TBC1D22A: variants seen among roughly 807,000 people sequenced by gnomAD.
TBC1D22A encodes the protein putative GTPase activator.
Under a neutral mutation model 60.2 loss-of-function variants are expected in TBC1D22A, and 38 were observed. That is an observed-to-expected ratio of 0.63 (90% CI 0.49 to 0.83). The LOEUF is 0.83. Ranked by LOEUF, TBC1D22A falls within the 40% of genes least tolerant of loss-of-function variation. The pLI, the probability that TBC1D22A is intolerant of heterozygous loss-of-function variation, is 0.00. For synonymous variants in TBC1D22A, 302 were observed against 281.7 expected (o/e 1.07, Z -0.72); for missense variants, 628 against 701.0 (o/e 0.90, Z 1.18).
At chr22:46,929,067 C>T (rs2071205830) in intron 8 of TBC1D22A, among the ~76,000 whole-genome samples, 1 of 151,500 alleles carries the variant, frequency 6.6e-6, no homozygotes, top group African/African-American at 2.4e-5. Context: ...TATGAAAAAC[C>T]ACTGCAAATA....
intron 12 of TBC1D22A, among the ~76,000 whole-genome samples, chr22:47,146,688 G>C (rs1196974241): frequency 6.6e-6 from 1 of 152,190 alleles, no homozygotes; most frequent in Non-Finnish European, 1.5e-5. Flanking sequence ...CTGATATGTG[G>C]TCCATGACTC....
At chr22:47,041,853 C>T (rs912208571) in intron 11 of TBC1D22A, among the ~76,000 whole-genome samples, 2 of 152,238 alleles carry the variant, frequency 1.3e-5, no homozygotes, top group Non-Finnish European at 2.9e-5. Flanking sequence ...CAGCCACAGA[C>T]GTGGACAGCG....
chr22:47,136,444 G>T (rs2066875426), intron 12 of TBC1D22A, among the ~76,000 whole-genome samples: 1 of 152,216 alleles, frequency 6.6e-6, no homozygotes, highest in Admixed American at 6.5e-5. Flanking sequence ...GGAGGAGTAG[G>T]TTGGTTGTCC....
intron 1 of TBC1D22A, among the ~76,000 whole-genome samples, chr22:46,765,355 C>G (rs921667492): frequency 1.3e-5 from 2 of 152,224 alleles, no homozygotes; most frequent in East Asian, 3.8e-4. Context: ...TTTATTTAGT[C>G]CACACCTATG....
intron 9 of TBC1D22A, among the ~76,000 whole-genome samples, chr22:46,980,448 T>C (rs2074471241): frequency 6.6e-6 from 1 of 152,258 alleles, no homozygotes; most frequent in Non-Finnish European, 1.5e-5. Flanking sequence ...CCCAAAGTGC[T>C]GGGATTACCC....
chr22:47,044,912 T>C (rs1055899017), intron 11 of TBC1D22A, among the ~76,000 whole-genome samples: 1 of 152,190 alleles, frequency 6.6e-6, no homozygotes. Flanking sequence ...CTACAGGAGA[T>C]GGTTTCTTCC....
At chr22:47,130,101 G>A (rs5767517) in intron 12 of TBC1D22A, among the ~76,000 whole-genome samples, 40,794 of 152,116 alleles carry the variant, frequency 0.27, 6,543 homozygotes, top group East Asian at 0.6. Flanking sequence ...GAGTCACCAC[G>A]TGCACTGTGC....
intron 12 of TBC1D22A, among the ~76,000 whole-genome samples, chr22:47,155,792 G>A (rs1044924440): frequency 1.3e-5 from 2 of 151,584 alleles, no homozygotes; most frequent in Non-Finnish European, 2.9e-5. Flanking sequence ...GTGCGGACGG[G>A]CGCAGCCTGA....
At chr22:47,082,707 A>G (rs78384282) in intron 11 of TBC1D22A, among the ~76,000 whole-genome samples, 3,691 of 152,314 alleles carry the variant, frequency 0.024, 150 homozygotes, top group African/African-American at 0.085. Context: ...CTTAATGGCT[A>G]AAAATGAAAG....
In TBC1D22A at chr22:46,916,373, C is replaced by T. The variant is rs529675003; in HGVS notation, c.1015+4185C>T. On this transcript the variant is annotated intron_variant, in intron 8 of 12. Transcript: ENST00000337137. ...CGATGGGTCTCCATGGGTGCCAGGA[C>T]ACTGCCGGCCTGAGTCAGGAATACA... Among the ~76,000 whole-genome samples the T allele has an allele frequency of 3.3e-5, 5 of 152,324 alleles. No individual in the cohort carries two copies. In the South Asian group the frequency reaches 1.0e-3, roughly 32 times the overall value.
intron 4 of TBC1D22A, among the ~76,000 whole-genome samples, chr22:46,799,598 G>T (rs1244004896): frequency 6.6e-6 from 1 of 152,184 alleles, no homozygotes; most frequent in African/African-American, 2.4e-5. Context: ...CCAGACTCCA[G>T]TGGGGACCAT....
chr22:47,010,617 C>G (rs1478567466), intron 10 of TBC1D22A, among the ~76,000 whole-genome samples: 1 of 152,106 alleles, frequency 6.6e-6, no homozygotes, highest in East Asian at 1.9e-4. Context: ...TATTCTGTGA[C>G]CCAGGTGACT....
intron 8 of TBC1D22A, among the ~76,000 whole-genome samples, chr22:46,935,136 G>A (rs2071571154): frequency 6.6e-6 from 1 of 152,088 alleles, no homozygotes; most frequent in Non-Finnish European, 1.5e-5. Context: ...AAGCAATGAA[G>A]GCATCAGTAG....
At position 46,904,142 on chromosome 22, in the gene TBC1D22A, T is replaced by TCTATCTGC. The variant is rs57116517; in HGVS notation, c.901-7929_901-7928insTCTGCCTA. Among the ~76,000 whole-genome samples, 81 of 134,576 alleles carry TCTATCTGC rather than the reference T, an allele frequency of 6.0e-4. 1 individual carries two copies. The highest frequency in any genetic ancestry group is 7.4e-3 in the Middle Eastern group (2 of 270). 88.3% of individuals were successfully genotyped at this position (134,576 alleles called of 152,430 possible). Reference sequence around the variant, plus strand: ...ATCTATCTATCTATCTATCTATCTATCTACCTACCTACCTACCTACCTACC... The same window carrying TCTATCTGC: ...ATCTATCTATCTATCTATCTATCTATCTATCTGCCTACCTACCTACCTACCTACCTACC... On this transcript the variant is annotated intron_variant, in intron 7 of 12. Transcript: ENST00000337137.
rs185798340 is a variant in TBC1D22A, at chr22:47,030,935, C to T, written c.1202-6136C>T. Among the ~76,000 whole-genome samples the T allele has an allele frequency of 2.1e-3, 315 of 152,292 alleles. 4 individuals carry two copies. The highest frequency in any genetic ancestry group is 7.3e-3 in the African/African-American group (303 of 41,570). ...GGCGGGGTGAGGCCCTGGCTGGCCACGCCCGCACCCTTCATGACGTGCTGC... is the reference window on the plus strand; with the variant it reads ...GGCGGGGTGAGGCCCTGGCTGGCCATGCCCGCACCCTTCATGACGTGCTGC... On this transcript the variant is annotated intron_variant, in intron 10 of 12. Transcript: ENST00000337137.
At position 47,169,131 on chromosome 22, in the gene TBC1D22A, C is replaced by T. The variant is rs576207304; in HGVS notation, c.1426-4367C>T. Among the ~76,000 whole-genome samples, 376 of 152,322 alleles carry T rather than the reference C, an allele frequency of 2.5e-3. 2 individuals carry two copies. The highest frequency in any genetic ancestry group is 8.9e-3 in the African/African-American group (368 of 41,568). The stretch of plus-strand genomic sequence containing the variant: ...GGAAACATCCCAGCTTGGCTTCCCA[C>T]CTCCACCCTGTGTCCCACTCACTGA... On this transcript the variant is annotated intron_variant, in intron 12 of 12. Coordinates refer to ENST00000337137, the MANE Select transcript of TBC1D22A (RefSeq NM_014346.5).
chr22:46,777,042 G>A lies in TBC1D22A; in HGVS notation c.62+14194G>A, dbSNP rs2083735920. Among the ~76,000 whole-genome samples, 1 of 152,136 alleles carries A rather than the reference G, an allele frequency of 6.6e-6. No individual in the cohort carries two copies. The highest frequency in any genetic ancestry group is 2.4e-5 in the African/African-American group (1 of 41,416). On this transcript the variant is annotated intron_variant, in intron 1 of 12. Coordinates refer to ENST00000337137, the MANE Select transcript of TBC1D22A (RefSeq NM_014346.5). The surrounding 1 kb of genome is among the most constrained non-coding windows in gnomAD (Gnocchi z 4.5). Reference sequence around the variant, plus strand: ...GGGATGGGTCAGGGCCAGGGCTGATGGACAGGAGAAGAGAGATGTGTGGGA... The same window carrying A: ...GGGATGGGTCAGGGCCAGGGCTGATAGACAGGAGAAGAGAGATGTGTGGGA...
intron 11 of TBC1D22A, among the ~76,000 whole-genome samples, chr22:47,090,616 G>GCGTC (rs1447832098): frequency 6.6e-6 from 1 of 152,252 alleles, no homozygotes; most frequent in African/African-American, 2.4e-5. Context: ...TGCTTCCTCA[G>GCGTC]CGTCCCCTTC....
intron 8 of TBC1D22A, among the ~76,000 whole-genome samples, chr22:46,940,924 T>TATGTATAC (rs2071978597): frequency 7.3e-6 from 1 of 136,926 alleles, no homozygotes. Flanking sequence ...TATATGTATA[T>TATGTATAC]ACACAGTCCA....
Sources: allele counts gnomAD v4.1 joint callset (sites outside exome capture counted in the v4.1 genomes callset), GRCh38; gene constraint gnomAD v4.1.1; non-coding constraint Gnocchi (gnomAD v3.1); transcripts MANE v1.5; gene names NCBI Gene and HGNC (gene_info 2026-07-23, HGNC 2026-07-21).